Variants in SLC7A1 observed in about 807,000 individuals in gnomAD.
SLC7A1 encodes solute carrier family 7 member 1.
A neutral mutation model predicts 53.9 loss-of-function variants in SLC7A1; 10 were observed. The observed-to-expected ratio is 0.19, with a 90% confidence interval of 0.11 to 0.31. The LOEUF is 0.31. SLC7A1 is among the 10% of genes least tolerant of loss of function. The pLI, the probability that SLC7A1 is intolerant of heterozygous loss-of-function variation, is 1.00. For missense variants in SLC7A1, 525 were observed against 827.2 expected (o/e 0.63, Z 4.48); for synonymous variants, 342 against 338.7 (o/e 1.01, Z -0.11).
At chr13:29,542,292 TA>T (rs1869698662) in intron 2 of SLC7A1, among the ~76,000 whole-genome samples, 1 of 152,094 alleles carries the variant, frequency 6.6e-6, no homozygotes, top group South Asian at 2.1e-4. Flanking sequence ...CCATCTCTAC[TA>T]AAAATACAAA....
At chr13:29,550,370 C>T (rs758652075) in intron 2 of SLC7A1, among the ~76,000 whole-genome samples, 54 of 152,164 alleles carry the variant, frequency 3.5e-4, no homozygotes, top group Non-Finnish European at 6.9e-4. Context: ...AATCAAGGAG[C>T]AAAATAATTT....
chr13:29,569,542 G>A (rs552803742), intron 1 of SLC7A1, among the ~76,000 whole-genome samples: 8 of 152,114 alleles, frequency 5.3e-5, no homozygotes, highest in East Asian at 3.9e-4. Flanking sequence ...CTCATGAGGC[G>A]GGGGCTGCAA....
chr13:29,517,509 G>T, intron 10 of SLC7A1, 64 bp downstream of exon 10: 2 of 1,397,604 alleles, frequency 1.4e-6, no homozygotes, highest in Non-Finnish European at 2.0e-6. Context: ...CCCAACTCCA[G>T]CTCCACTGCC....
At chr13:29,577,536 A>C (rs955830150) in intron 1 of SLC7A1, among the ~76,000 whole-genome samples, 2 of 152,162 alleles carry the variant, frequency 1.3e-5, no homozygotes, top group Non-Finnish European at 2.9e-5. Context: ...GAAAACACAC[A>C]CTGGAGAGAA....
At chr13:29,572,570 G>A (rs560868723) in intron 1 of SLC7A1, among the ~76,000 whole-genome samples, 1 of 152,326 alleles carries the variant, frequency 6.6e-6, no homozygotes, top group Non-Finnish European at 1.5e-5. Flanking sequence ...TCATCAATAT[G>A]AAGGGAATGA....
intron 1 of SLC7A1, among the ~76,000 whole-genome samples, chr13:29,583,393 C>G (rs377425680): frequency 3.9e-5 from 6 of 152,228 alleles, no homozygotes; most frequent in Admixed American, 3.3e-4. Context: ...AGGGTGGAAT[C>G]GTGCTTTCTT....
At chr13:29,575,758 A>G (rs961829688) in intron 1 of SLC7A1, among the ~76,000 whole-genome samples, 2 of 152,222 alleles carry the variant, frequency 1.3e-5, no homozygotes, top group African/African-American at 4.8e-5. Context: ...ATACAGTACA[A>G]ACTTTTTCAA....
Position 29,517,737 on chromosome 13 carries a change from T to G in SLC7A1, c.1346A>C (p.Glu449Ala). ...LVYQMASTSD[E>A]LDPADQNELA... ...TTCATTTTGGTCTGCTGGATCTAAC[T>G]CGTCGGAAGTACTGGCCATCTGGTA... The change falls in exon 10 of 13, where the codon GAG (glutamate) becomes GCG (alanine). Residue 449 changes from glutamate (E) to alanine (A), a missense_variant. Coordinates refer to ENST00000380752, the MANE Select transcript of SLC7A1 (RefSeq NM_003045.5). 1 of 1,614,220 alleles carries G rather than the reference T, an allele frequency of 6.2e-7. No individual in the cohort carries two copies.
rs753834549 is a variant in SLC7A1 at position 29,517,260 on chromosome 13, G to C, written c.1561C>G (p.Leu521Val). Residue 521 changes from leucine (L) to valine (V), a missense_variant, in exon 11 of 13, where the codon CTC becomes GTC. Physicochemically the swap from Leu to Val is conservative, Grantham distance 32 (BLOSUM62 1). Transcript: ENST00000380752. Reference sequence around the variant, plus strand: ...ACTGCCCACAGCGCCCCTTTGGTGAGAGCCTCCCTTCCAAGCACGGTCACA... The same window carrying C: ...ACTGCCCACAGCGCCCCTTTGGTGACAGCCTCCCTTCCAAGCACGGTCACA... ...CIVTVLGREA[L>V]TKGALWAVFL... The C allele has an allele frequency of 3.7e-6, 6 of 1,613,362 alleles. No individual in the cohort carries two copies. The East Asian group carries it at 6.7e-5, about 18-fold the overall frequency.
At position 29,514,492 on chromosome 13, in the gene SLC7A1, G is replaced by A; in HGVS notation, c.1878C>T (p.Asp626=). The change falls in exon 13 of 13, where the codon GAC becomes GAT. Residue 626 remains aspartate, a synonymous_variant. Coordinates refer to ENST00000380752, the MANE Select transcript of SLC7A1 (RefSeq NM_003045.5). ...GCGGGGCTGTGCGTCACTTGCACTG[G>A]TCCAAGTTGCCGTCAGGAGTCCTTG... ...DQARTPDGNL[D]QCK 6.2e-7 allele frequency: 1 copy of A among 1,609,610 alleles called. No homozygotes were observed. The highest frequency in any genetic ancestry group is 8.5e-7 in the Non-Finnish European group (1 of 1,179,646).
chr13:29,532,070 C>A (rs1869188383), intron 4 of SLC7A1, among the ~76,000 whole-genome samples: 3 of 152,156 alleles, frequency 2.0e-5, no homozygotes, highest in Admixed American at 2.0e-4. Flanking sequence ...ACTGCTGAGA[C>A]CAGCCTGAGT....
intron 1 of SLC7A1, among the ~76,000 whole-genome samples, chr13:29,592,743 G>A (rs35332203): frequency 2.6e-5 from 4 of 152,028 alleles, no homozygotes; most frequent in Non-Finnish European, 4.4e-5. Flanking sequence ...GTTCCCTCAC[G>A]GGAAGAGAGG....
At chr13:29,552,717 A>C (rs1186775059) in intron 2 of SLC7A1, among the ~76,000 whole-genome samples, 1 of 152,228 alleles carries the variant, frequency 6.6e-6, no homozygotes, top group Non-Finnish European at 1.5e-5. Flanking sequence ...TACTTTTAGT[A>C]AATCTATAAT....
intron 5 of SLC7A1, among the ~76,000 whole-genome samples, chr13:29,527,512 C>T (rs1304625920): frequency 6.6e-6 from 1 of 152,216 alleles, no homozygotes; most frequent in African/African-American, 2.4e-5. Flanking sequence ...TAACCTTTTA[C>T]ATGCGTGTGG....
intron 2 of SLC7A1, among the ~76,000 whole-genome samples, chr13:29,552,138 A>T (rs888011113): frequency 6.6e-6 from 1 of 151,996 alleles, no homozygotes; most frequent in Non-Finnish European, 1.5e-5. Flanking sequence ...TAATATAGCC[A>T]TAGTCTCAGA....
intron 5 of SLC7A1, among the ~76,000 whole-genome samples, chr13:29,524,696 G>A (rs946300879): frequency 1.9e-4 from 29 of 152,158 alleles, no homozygotes; most frequent in Admixed American, 1.3e-4. Context: ...CAATTCCAGA[G>A]AAACTAAGGC....
chr13:29,516,349 C>T (rs935429999), intron 11 of SLC7A1, 103 bp from the exon 12 acceptor site: 22 of 742,444 alleles, frequency 3.0e-5, no homozygotes, highest in African/African-American at 1.4e-4. Flanking sequence ...TGACAGGGAC[C>T]GTCGGGCGAG....
intron 1 of SLC7A1, among the ~76,000 whole-genome samples, chr13:29,572,451 T>C (rs1293106097): frequency 6.7e-6 from 1 of 150,370 alleles, no homozygotes; most frequent in Non-Finnish European, 1.5e-5. Flanking sequence ...GGGTGGGGAG[T>C]GGGAAGAAAC....
At chr13:29,571,533 CG>C (rs34719566) in intron 1 of SLC7A1, among the ~76,000 whole-genome samples, 84,481 of 152,120 alleles carry the variant, frequency 0.56, 27,891 homozygotes, top group Non-Finnish European at 0.75. Context: ...AGACATCTGC[CG>C]GGGGGTCCTC....
Sources: gnomAD v4.1 joint callset for allele counts (sites outside exome capture counted in the v4.1 genomes callset) on GRCh38, gnomAD v4.1.1 for gene constraint, MANE v1.5 for transcripts, NCBI Gene and HGNC (gene_info 2026-07-23, HGNC 2026-07-21) for gene names.